RHOBTB1: variants seen among roughly 807,000 people sequenced by gnomAD.
RHOBTB1 encodes the protein Rho related BTB domain containing 1, also known as rho-related BTB domain-containing protein 1.
RHOBTB1 carries 40 observed loss-of-function variants against 71.6 expected under a neutral mutation model. That is an observed-to-expected ratio of 0.56 (90% CI 0.43 to 0.73). The LOEUF (loss-of-function observed/expected upper bound fraction) is 0.73. Ranked by LOEUF, RHOBTB1 falls within the 30% of genes least tolerant of loss-of-function variation. The pLI is 0.00. For missense variants in RHOBTB1, 797 were observed against 894.0 expected (o/e 0.89, Z 1.38); for synonymous variants, 319 against 334.9 (o/e 0.95, Z 0.52).
chr10:60,951,527 G>A (rs1029446588), intron 2 of RHOBTB1, among the ~76,000 whole-genome samples: 11 of 152,102 alleles, frequency 7.2e-5, no homozygotes, highest in Admixed American at 2.6e-4. Flanking sequence ...ATCACATGTG[G>A]GTGACATAAG....
At chr10:60,911,237 G>C (rs1180338113) in intron 3 of RHOBTB1, 114 bp downstream of exon 3, 1 of 1,077,960 alleles carries the variant, frequency 9.3e-7, no homozygotes, top group East Asian at 2.6e-5. Flanking sequence ...GCACTAAAAA[G>C]GTTAGTTTTG....
At chr10:60,983,937 G>T (rs2086583011) in intron 2 of RHOBTB1, among the ~76,000 whole-genome samples, 1 of 152,134 alleles carries the variant, frequency 6.6e-6, no homozygotes, top group East Asian at 1.9e-4. Flanking sequence ...TCCATAGTTT[G>T]GATCTAATGA....
At chr10:60,889,251 T>TA in intron 5 of RHOBTB1, 66 bp from the exon 6 acceptor site, 1 of 1,474,588 alleles carries the variant, frequency 6.8e-7, no homozygotes. Flanking sequence ...AACAAGGGCC[T>TA]ATCTAAGCAC....
chr10:60,978,049 T>A (rs543301289), intron 2 of RHOBTB1, among the ~76,000 whole-genome samples: 2 of 152,148 alleles, frequency 1.3e-5, no homozygotes, highest in Admixed American at 6.6e-5. Flanking sequence ...GAAAAATGTA[T>A]AAAATTATTG....
intron 2 of RHOBTB1, among the ~76,000 whole-genome samples, chr10:60,933,684 G>T (rs911083821): frequency 5.3e-5 from 8 of 151,660 alleles, no homozygotes; most frequent in Non-Finnish European, 7.4e-5. Context: ...CTAGGTGAGA[G>T]TGAGAATCCG....
intron 2 of RHOBTB1, among the ~76,000 whole-genome samples, chr10:60,976,965 G>A (rs947712760): frequency 1.3e-5 from 2 of 151,958 alleles, no homozygotes; most frequent in African/African-American, 2.4e-5. Context: ...TGTGGAATTA[G>A]GGCAGGGACT....
chr10:60,947,093 G>C (rs994991832), upstream of RHOBTB1, among the ~76,000 whole-genome samples: 2 of 152,144 alleles, frequency 1.3e-5, no homozygotes. Flanking sequence ...GCAGCAAGTA[G>C]TACAGACCGT....
At chr10:60,952,632 C>T (rs989087105) in intron 2 of RHOBTB1, among the ~76,000 whole-genome samples, 1 of 152,214 alleles carries the variant, frequency 6.6e-6, no homozygotes, top group African/African-American at 2.4e-5. Context: ...ATATAATTAG[C>T]ATTTCATATT....
chr10:60,921,788 G>A (rs997407904), intron 2 of RHOBTB1, among the ~76,000 whole-genome samples: 4 of 152,212 alleles, frequency 2.6e-5, no homozygotes, highest in African/African-American at 9.7e-5. Flanking sequence ...GCAGCGTGTG[G>A]CTAAGCCTGC....
chr10:60,996,375 G>C lies in RHOBTB1; in HGVS notation c.-163+5024C>G, dbSNP rs118130243. ...TCTGCCTCCTTTCAAAGCTTCAGAT[G>C]TCTTCCCACCCACAATCCAGCTAAA... is the stretch of plus-strand genomic sequence containing the variant. On this transcript the variant is annotated intron_variant, in intron 1 of 11. Coordinates refer to the RHOBTB1 transcript ENST00000357917. Among the ~76,000 whole-genome samples the C allele has an allele frequency of 1.1e-3, 173 of 152,216 alleles. 1 individual carries two copies. The East Asian group carries it at 0.032, about 28-fold the overall frequency.
At chr10:60,915,413 T>C (rs2083216951) in intron 2 of RHOBTB1, among the ~76,000 whole-genome samples, 1 of 151,684 alleles carries the variant, frequency 6.6e-6, no homozygotes. Flanking sequence ...CATACTTAGA[T>C]ACATACCTGA....
Position 60,999,830 on chromosome 10 carries a change from T to C in RHOBTB1, c.-163+1569A>G, listed in dbSNP as rs953188350. Among the ~76,000 whole-genome samples, 4 of 152,334 alleles carry C rather than the reference T, an allele frequency of 2.6e-5. No individual in the cohort carries two copies. The East Asian group carries it at 5.8e-4, about 22-fold the overall frequency. On this transcript the variant is annotated intron_variant, in intron 1 of 11. Coordinates refer to the RHOBTB1 transcript ENST00000357917. ...TTCTTAGTTTCAGAAGTTCACTGGG[T>C]CCCTCTTCACCCAACCGTAAGGTAA... is the stretch of plus-strand genomic sequence containing the variant.
Position 60,869,766 on chromosome 10 carries a change from A to C in RHOBTB1, c.*1716T>G, listed in dbSNP as rs188677403. On this transcript the variant is annotated 3_prime_UTR_variant, in exon 11 of 11. Coordinates refer to ENST00000337910, the MANE Select transcript of RHOBTB1 (RefSeq NM_014836.5). ...CTTTCTCCTTCCATCGATAAGATTT[A>C]CAAGCCTATTGAAAATAATTAAGAT... 7.9e-5 allele frequency: 12 copies of C among 152,700 alleles called. No individual in the cohort carries two copies. In the East Asian group the frequency reaches 2.3e-3, roughly 29 times the overall value. The allele number at this position is 152,700 out of a possible 1,614,324, so 9.5% of individuals were successfully genotyped here. A position where few individuals can be genotyped will look rare whatever the true frequency, so the allele number is the denominator to read the frequency against.
intron 7 of RHOBTB1, among the ~76,000 whole-genome samples, chr10:60,881,910 A>G (rs1019159836): frequency 2.0e-5 from 3 of 152,308 alleles, no homozygotes; most frequent in Middle Eastern, 6.8e-3. Context: ...TTTGCTGAAT[A>G]TAACGTTAAC....
Position 60,879,720 on chromosome 10 carries a change from A to T in RHOBTB1, c.1576-1662T>A, listed in dbSNP as rs571623045. Among the ~76,000 whole-genome samples, 5 of 152,214 alleles carry T rather than the reference A, an allele frequency of 3.3e-5. No individual in the cohort carries two copies. In the South Asian group the frequency reaches 1.0e-3, roughly 32 times the overall value. Reference sequence around the variant, plus strand: ...AAAGATATATATCTATATATTATGTATGATTACATCTTTATAACATGGTTA... The same window carrying T: ...AAAGATATATATCTATATATTATGTTTGATTACATCTTTATAACATGGTTA... On this transcript the variant is annotated intron_variant, in intron 7 of 10. Transcript: ENST00000337910.
At chr10:60,966,660 C>CT (rs539296668) in intron 2 of RHOBTB1, among the ~76,000 whole-genome samples, 149 of 145,548 alleles carry the variant, frequency 1.0e-3, no homozygotes, top group Non-Finnish European at 1.7e-3. Flanking sequence ...TGAGAAACTT[C>CT]TTTTTTTTTT....
At chr10:60,970,023 A>G (rs1294161862) in intron 2 of RHOBTB1, among the ~76,000 whole-genome samples, 2 of 152,068 alleles carry the variant, frequency 1.3e-5, no homozygotes, top group African/African-American at 4.8e-5. Context: ...TAGAAGGCCA[A>G]CTGGGTAAAA....
At chr10:60,968,939 A>G (rs2086062412) in intron 2 of RHOBTB1, among the ~76,000 whole-genome samples, 1 of 152,122 alleles carries the variant, frequency 6.6e-6, no homozygotes, top group African/African-American at 2.4e-5. Flanking sequence ...GCAGTCTAGA[A>G]GGACATTTCT....
At chr10:60,918,573 T>A (rs2083391634) in intron 2 of RHOBTB1, among the ~76,000 whole-genome samples, 1 of 152,160 alleles carries the variant, frequency 6.6e-6, no homozygotes, top group African/African-American at 2.4e-5. Context: ...GCAAGACTCC[T>A]CTAACATTAG....
Sources: gnomAD v4.1 joint callset for allele counts (sites outside exome capture counted in the v4.1 genomes callset) on GRCh38, gnomAD v4.1.1 for gene constraint, MANE v1.5 for transcripts, NCBI Gene and HGNC (gene_info 2026-07-23, HGNC 2026-07-21) for gene names.